PRKG1: variants seen among roughly 807,000 people sequenced by gnomAD.
PRKG1 encodes the protein protein kinase cGMP-dependent 1.
In PRKG1, 35 loss-of-function variants were observed where a neutral mutation model predicts 88.1. That is an observed-to-expected ratio of 0.40 (90% confidence interval 0.30 to 0.53). The LOEUF (loss-of-function observed/expected upper bound fraction) is 0.53. PRKG1 is among the 20% of genes least tolerant of loss of function. The pLI is 0.59. For synonymous variants in PRKG1, 303 were observed against 292.5 expected (o/e 1.04, Z -0.37); for missense variants, 540 against 839.8 (o/e 0.64, Z 4.41).
chr10:51,042,155 C>T lies in PRKG1; in HGVS notation c.266+50511C>T, dbSNP rs149588826. Among the ~76,000 whole-genome samples, 195 of 152,296 alleles carry T rather than the reference C, an allele frequency of 1.3e-3. 1 individual carries two copies. Among genetic ancestry groups the T allele is most frequent in the African/African-American group, 4.4e-3 (183 of 41,574 alleles). ...CTTCTCTTCCTCTTTACTTACAACT[C>T]TCACACCTCCTCCTGGTCTTGGACC... On this transcript the variant is annotated intron_variant, in intron 1 of 17. Transcript: ENST00000401604.
intron 3 of PRKG1, chr10:51,698,432 C>A: frequency 6.2e-7 from 1 of 1,614,092 alleles, no homozygotes; most frequent in Non-Finnish European, 8.5e-7. Context: ...GGAAGGGCCA[C>A]GAGTGTCATG....
intron 5 of PRKG1, among the ~76,000 whole-genome samples, chr10:52,029,331 A>G (rs1056787709): frequency 2.0e-5 from 3 of 152,104 alleles, no homozygotes; most frequent in South Asian, 2.1e-4. Context: ...TGGATTCACA[A>G]ATCTCTCCAC....
chr10:51,885,852 C>G (rs949553183), intron 4 of PRKG1, among the ~76,000 whole-genome samples: 1 of 152,134 alleles, frequency 6.6e-6, no homozygotes, highest in Non-Finnish European at 1.5e-5. Flanking sequence ...TTACCTCTTT[C>G]ATGAGACGTT....
chr10:51,321,649 T>A (rs1841459586), intron 2 of PRKG1, among the ~76,000 whole-genome samples: 1 of 152,022 alleles, frequency 6.6e-6, no homozygotes, highest in Non-Finnish European at 1.5e-5. Context: ...GGTTAATGGG[T>A]ACGAAAAATA....
In PRKG1 at chr10:52,140,054, T is replaced by C. The variant is rs919041186; in HGVS notation, c.1001+6149T>C. 2.0e-5 allele frequency among the ~76,000 whole-genome samples: 3 copies of C among 152,232 alleles called. No homozygotes were observed. In the South Asian group the frequency reaches 6.2e-4, roughly 31 times the overall value. ...CATTTGAATTTATATCATTTTCTTA[T>C]GTCAAGAAGTATTATTCAGCATTTG... On this transcript the variant is annotated intron_variant, in intron 8 of 17. Transcript: ENST00000373980.
At chr10:51,526,852 G>T (rs1053009820) in intron 3 of PRKG1, among the ~76,000 whole-genome samples, 4 of 152,028 alleles carry the variant, frequency 2.6e-5, no homozygotes, top group African/African-American at 9.7e-5. Flanking sequence ...CTGTACATTA[G>T]ACCCTTATTA....
At position 51,935,466 on chromosome 10, in the gene PRKG1, G is replaced by A. The variant is rs1327712344; in HGVS notation, c.762+27896G>A. On this transcript the variant is annotated intron_variant, in intron 5 of 17. Coordinates refer to ENST00000373980, the MANE Select transcript of PRKG1 (RefSeq NM_006258.4). ...CTCCTACAACTGGATTTCAGTAATTGCAGGGCTTGAGATAGGATAGATTTG... is the reference window on the plus strand; with the variant it reads ...CTCCTACAACTGGATTTCAGTAATTACAGGGCTTGAGATAGGATAGATTTG... Among the ~76,000 whole-genome samples the A allele has an allele frequency of 2.0e-5, 3 of 152,220 alleles. No homozygotes were observed. The South Asian group carries it at 6.2e-4, about 32-fold the overall frequency.
intron 5 of PRKG1, among the ~76,000 whole-genome samples, chr10:51,994,065 C>G (rs1844376693): frequency 6.6e-6 from 1 of 152,182 alleles, no homozygotes. Context: ...TTTAGCATTT[C>G]TTGTCCCTTT....
At chr10:52,080,026 A>G (rs1364775734) in intron 7 of PRKG1, among the ~76,000 whole-genome samples, 4 of 152,108 alleles carry the variant, frequency 2.6e-5, no homozygotes, top group African/African-American at 9.7e-5. Context: ...CACTAAATAA[A>G]CACCAAATTT....
chr10:51,256,895 T>G (rs1465836066), intron 2 of PRKG1, among the ~76,000 whole-genome samples: 1 of 151,808 alleles, frequency 6.6e-6, no homozygotes, highest in Non-Finnish European at 1.5e-5. Flanking sequence ...AAATCAATGT[T>G]TATAAAGATT....
At chr10:52,020,208 A>T (rs1227827232) in intron 5 of PRKG1, among the ~76,000 whole-genome samples, 1 of 151,880 alleles carries the variant, frequency 6.6e-6, no homozygotes, top group Non-Finnish European at 1.5e-5. Flanking sequence ...AATCTCCAAA[A>T]CTATTTTATA....
In PRKG1 at chr10:51,570,049, GTATA is replaced by G. The variant is rs10617123; in HGVS notation, c.592+102229_592+102232del. ...AATTCTGATACAATCACCCAAACTA[GTATA>G]TATATATATATATATGTGTGTGTGT... is the stretch of plus-strand genomic sequence containing the variant. On this transcript the variant is annotated intron_variant, in intron 3 of 17. Coordinates refer to ENST00000373980, the MANE Select transcript of PRKG1 (RefSeq NM_006258.4). Among the ~76,000 whole-genome samples the G allele has an allele frequency of 4.3e-4, 55 of 128,764 alleles. 1 individual carries two copies. Among genetic ancestry groups the G allele is most frequent in the African/African-American group, 1.3e-3 (38 of 28,914 alleles). The allele number at this position is 128,764 out of a possible 152,430, so 84.5% of individuals were successfully genotyped here. A position where few individuals can be genotyped will look rare whatever the true frequency, so the allele number is the denominator to read the frequency against.
At chr10:52,244,391 TTAA>T (rs751727100) in intron 9 of PRKG1, among the ~76,000 whole-genome samples, 21 of 151,902 alleles carry the variant, frequency 1.4e-4, no homozygotes, top group Non-Finnish European at 2.5e-4. Flanking sequence ...AGCAATTAAA[TTAA>T]TAAGAGATGA....
In PRKG1 at chr10:51,291,666, A is replaced by G. The variant is rs1438991570; in HGVS notation, c.478+138336A>G. On this transcript the variant is annotated intron_variant, in intron 2 of 17. Coordinates refer to ENST00000373980, the MANE Select transcript of PRKG1 (RefSeq NM_006258.4). ...CTTAAGAGGAATGGGTGCCCCCCTTAAAAGAAAGAGTGTTCTGTAAAAAGA... is the reference window on the plus strand; with the variant it reads ...CTTAAGAGGAATGGGTGCCCCCCTTGAAAGAAAGAGTGTTCTGTAAAAAGA... 2.6e-5 allele frequency among the ~76,000 whole-genome samples: 4 copies of G among 152,146 alleles called. No homozygotes were observed. In the East Asian group the frequency reaches 7.7e-4, roughly 29 times the overall value.
chr10:51,128,225 G>T (rs1417415058), intron 1 of PRKG1, among the ~76,000 whole-genome samples: 1 of 79,154 alleles, frequency 1.3e-5, no homozygotes, highest in African/African-American at 3.7e-5. Context: ...AATCCGGATA[G>T]ACTTAGGAAT....
intron 1 of PRKG1, among the ~76,000 whole-genome samples, chr10:51,014,873 T>G (rs1843038137): frequency 6.6e-6 from 1 of 152,214 alleles, no homozygotes; most frequent in Admixed American, 6.5e-5. Context: ...CTGACTTAGA[T>G]GTGGTTCTGG....
At chr10:52,135,575 A>C (rs1333400782) in intron 8 of PRKG1, among the ~76,000 whole-genome samples, 1 of 152,096 alleles carries the variant, frequency 6.6e-6, no homozygotes, top group Non-Finnish European at 1.5e-5. Flanking sequence ...AGAAATGAAG[A>C]GGTAAAACCA....
chr10:52,271,551 C>G lies in PRKG1; in HGVS notation c.1313+62C>G, dbSNP rs144203862. The G allele has an allele frequency of 9.0e-4, 1,412 of 1,561,330 alleles. 10 individuals carry two copies. In the African/African-American group the frequency reaches 0.015, roughly 17 times the overall value. On this transcript the variant is annotated intron_variant, in intron 11 of 17. Transcript: ENST00000373980. Reference sequence around the variant, plus strand: ...CCAAGTGACAAATCCACCACAAAACCCTCTGCCACTTGTGCTCACTGTTAA... The same window carrying G: ...CCAAGTGACAAATCCACCACAAAACGCTCTGCCACTTGTGCTCACTGTTAA...
chr10:52,000,049 TG>T (rs1484145667), intron 5 of PRKG1, among the ~76,000 whole-genome samples: 3 of 152,076 alleles, frequency 2.0e-5, no homozygotes, highest in African/African-American at 7.2e-5. Flanking sequence ...TTTCATGTTT[TG>T]TTCCTTTATT....
Sources: gnomAD v4.1 joint callset for allele counts (sites outside exome capture counted in the v4.1 genomes callset) on GRCh38, gnomAD v4.1.1 for gene constraint, MANE v1.5 for transcripts, NCBI Gene and HGNC (gene_info 2026-07-23, HGNC 2026-07-21) for gene names.